The following STX3 variants were observed in gnomAD, a reference collection of about 807,000 sequenced individuals.
STX3 encodes syntaxin-3.
In STX3, 19 loss-of-function variants were observed where a neutral mutation model predicts 40.2. The observed-to-expected ratio is 0.47, with a 90% CI of 0.33 to 0.69. STX3 has a LOEUF of 0.69. STX3 is among the 30% of genes least tolerant of loss of function. The pLI is 0.02. For missense variants in STX3, 364 were observed against 366.7 expected, an observed-to-expected ratio of 0.99 and a Z score of 0.06; for synonymous variants, 122 against 132.2, an observed-to-expected ratio of 0.92 and a Z score of 0.53.
intron 9 of STX3, chr11:59,795,829 C>A: frequency 1.2e-6 from 1 of 836,430 alleles, no homozygotes; most frequent in Non-Finnish European, 1.9e-6. Flanking sequence ...GTAGCCTCAT[C>A]AACCCCTCCC....
At chr11:59,755,232 C>G (rs1862638623), upstream of STX3, 1 of 174,614 alleles carries the variant, frequency 5.7e-6, no homozygotes, top group Non-Finnish European at 1.2e-5. Context: ...GGAGGGCTCT[C>G]GGGTTAGGGA....
At chr11:59,774,440 T>TAA (rs35265893) in intron 2 of STX3, among the ~76,000 whole-genome samples, 4 of 81,310 alleles carry the variant, frequency 4.9e-5, no homozygotes, top group African/African-American at 9.6e-5. Flanking sequence ...CCTTGTCCCC[T>TAA]AAAAAAAAAA....
chr11:59,767,130 TC>T (rs777570662), intron 1 of STX3, among the ~76,000 whole-genome samples: 6 of 152,114 alleles, frequency 3.9e-5, no homozygotes, highest in Non-Finnish European at 8.8e-5. Flanking sequence ...CTTTCTACTT[TC>T]TGTCCAGAGA....
In STX3 at chr11:59,755,493, T is replaced by A; in HGVS notation, c.-113T>A. 1.5e-6 allele frequency: 2 copies of A among 1,349,136 alleles called. No homozygotes were observed. Among genetic ancestry groups the A allele is most frequent in the East Asian group, 3.1e-5 (1 of 32,754 alleles). 83.6% of individuals were successfully genotyped at this position (1,349,136 alleles called of 1,614,324 possible). ...GCCCGCCGCCGCCTGCGCCTCCAGC[T>A]CCTTCGCCCCGGCGGGCCCGGCCGC... On this transcript the variant is annotated 5_prime_UTR_variant, in exon 1 of 11. Coordinates refer to ENST00000337979, the MANE Select transcript of STX3 (RefSeq NM_004177.5).
rs779569663 is a variant in STX3, at chr11:59,790,591, G to T, written c.357+5G>T. On this transcript the variant is annotated splice_donor_5th_base_variant and intron_variant, in intron 5 of 10. Transcript: ENST00000337979. ...CTTCGGATTCGGAAATCCCAGGTAA[G>T]ACTTTTCCTGGTCTCATGATTAGCT... 3.7e-6 allele frequency: 6 copies of T among 1,608,500 alleles called. No homozygotes were observed. The highest frequency in any genetic ancestry group is 4.3e-6 in the Non-Finnish European group (5 of 1,175,068).
chr11:59,793,172 G>A lies in STX3; in HGVS notation c.540G>A (p.Gly180=), dbSNP rs576991. Residue 180 remains glycine, a splice_region_variant and synonymous_variant, in exon 7 of 11, where the codon GGG becomes GGA. Coordinates refer to ENST00000337979, the MANE Select transcript of STX3 (RefSeq NM_004177.5). ...GCAACCCGGCCATCTTCACTTCTGG[G>A]GTGAGTGCCCTGTGTGCTCGGATAG... is the stretch of plus-strand genomic sequence containing the variant. ...ESGNPAIFTS[G]IIDSQISKQA... is the part of the protein sequence containing the mutation. The A allele has an allele frequency of 1.1e-3, 1,796 of 1,613,090 alleles. 17 individuals are homozygous for A. The African/African-American group carries it at 0.019, about 17-fold the overall frequency.
At chr11:59,792,268 TC>T (rs1865229304) in intron 6 of STX3, 53 bp downstream of exon 6, 9 of 1,529,152 alleles carry the variant, frequency 5.9e-6, no homozygotes, top group Non-Finnish European at 8.1e-6. Context: ...CACCTGGTTG[TC>T]CATCCCAAGT....
intron 2 of STX3, among the ~76,000 whole-genome samples, chr11:59,778,778 A>C (rs1864156971): frequency 6.6e-6 from 1 of 151,262 alleles, no homozygotes; most frequent in Admixed American, 6.6e-5. Context: ...TCAGAGCAAC[A>C]CTTTCTAACA....
At chr11:59,799,999 GC>G in intron 10 of STX3, 3 of 985,400 alleles carry the variant, frequency 3.0e-6, no homozygotes, top group Non-Finnish European at 3.6e-6. Flanking sequence ...AATTTGTGGT[GC>G]CCCTTTCTAT....
intron 2 of STX3, among the ~76,000 whole-genome samples, chr11:59,782,248 T>TG (rs568045875): frequency 3.0e-4 from 45 of 152,340 alleles, no homozygotes; most frequent in African/African-American, 9.4e-4. Context: ...TGTAGAGTGA[T>TG]TGACTTGGGT....
intron 2 of STX3, among the ~76,000 whole-genome samples, chr11:59,785,377 C>T (rs889205729): frequency 1.3e-5 from 2 of 152,028 alleles, no homozygotes; most frequent in Admixed American, 6.6e-5. Flanking sequence ...GTTGCTCAGG[C>T]GGGAAATGCA....
chr11:59,788,163 G>A (rs1318560474), intron 3 of STX3, among the ~76,000 whole-genome samples: 1 of 152,178 alleles, frequency 6.6e-6, no homozygotes, highest in Non-Finnish European at 1.5e-5. Flanking sequence ...TTGAGACTCA[G>A]TCCTGCTCAT....
In STX3 at chr11:59,797,202, CA is replaced by C. The variant is rs1044522272; in HGVS notation, c.787-80del. ...TAAGATATTTTCTATGTAGAGGTGA[CA>C]GGGGTTAGGTTTTGGATGAGTTGTT... On this transcript the variant is annotated intron_variant, in intron 9 of 10. Coordinates refer to ENST00000337979, the MANE Select transcript of STX3 (RefSeq NM_004177.5). 32 of 1,018,332 alleles carry C rather than the reference CA, an allele frequency of 3.1e-5. No homozygotes were observed. In the Admixed American group the frequency reaches 4.1e-4, roughly 13 times the overall value. 63.1% of individuals were successfully genotyped at this position (1,018,332 alleles called of 1,614,324 possible).
chr11:59,788,795 C>A, intron 3 of STX3, 78 bp from the exon 4 acceptor site: 2 of 1,279,008 alleles, frequency 1.6e-6, no homozygotes, highest in East Asian at 2.4e-5. Context: ...CTCCCCTCCT[C>A]TGATGATGAT....
intron 4 of STX3, among the ~76,000 whole-genome samples, chr11:59,789,859 C>G (rs926542220): frequency 9.2e-5 from 14 of 152,162 alleles, no homozygotes; most frequent in Non-Finnish European, 1.5e-4. Flanking sequence ...TCACTCCCCC[C>G]ATTTGGGAGA....
At chr11:59,786,585 G>A (rs1465232503) in intron 2 of STX3, among the ~76,000 whole-genome samples, 2 of 151,748 alleles carry the variant, frequency 1.3e-5, no homozygotes, top group Non-Finnish European at 2.9e-5. Flanking sequence ...CTCATTCTGT[G>A]TTTTTCACTC....
At chr11:59,795,553 TC>T in intron 9 of STX3, 71 bp downstream of exon 9, 1 of 1,550,750 alleles carries the variant, frequency 6.4e-7, no homozygotes. Context: ...TTCTCTTCCC[TC>T]TCCCTGTCTC....
intron 5 of STX3, among the ~76,000 whole-genome samples, chr11:59,790,918 C>G (rs745502113): frequency 3.3e-5 from 5 of 152,152 alleles, no homozygotes; most frequent in Non-Finnish European, 5.9e-5. Context: ...CAGTTTGGAG[C>G]TAGGCACTTT....
chr11:59,779,892 A>G (rs1437587287), intron 2 of STX3, among the ~76,000 whole-genome samples: 1 of 152,202 alleles, frequency 6.6e-6, no homozygotes, highest in Non-Finnish European at 1.5e-5. Flanking sequence ...AGTGAATCCA[A>G]CTTGGAAATC....
Sources: gnomAD v4.1 joint callset for allele counts (sites outside exome capture counted in the v4.1 genomes callset) on GRCh38, gnomAD v4.1.1 for gene constraint, MANE v1.5 for transcripts, NCBI Gene and HGNC (gene_info 2026-07-23, HGNC 2026-07-21) for gene names.